HSDL1: variants seen among roughly 807,000 people sequenced by gnomAD.
HSDL1 encodes hydroxysteroid dehydrogenase like 1, also known as inactive hydroxysteroid dehydrogenase-like protein 1.
A neutral mutation model predicts 31.5 loss-of-function variants in HSDL1; 29 were observed. That is an observed-to-expected ratio of 0.92 (90% confidence interval 0.69 to 1.26). HSDL1 has a LOEUF of 1.26. Among genes scored for constraint, HSDL1 ranks in the 50% most tolerant of loss-of-function variants. HSDL1 has a pLI of 0.00. For missense variants in HSDL1, 503 were observed against 416.6 expected (o/e 1.21, Z -1.81); for synonymous variants, 222 against 155.2 (o/e 1.43, Z -3.20).
intron 1 of HSDL1, among the ~76,000 whole-genome samples, chr16:84,141,595 C>T (rs1051925842): frequency 6.6e-6 from 1 of 152,224 alleles, no homozygotes; most frequent in African/African-American, 2.4e-5. Flanking sequence ...TTTTGCAAAG[C>T]GGCAGAACCC....
At chr16:84,127,553 A>G (rs1329472485) in intron 5 of HSDL1, among the ~76,000 whole-genome samples, 2 of 151,512 alleles carry the variant, frequency 1.3e-5, no homozygotes, top group African/African-American at 4.9e-5. Context: ...ACTTTTCATA[A>G]AAGTCATAAT....
At chr16:84,143,274 A>T (rs562860712) in intron 1 of HSDL1, among the ~76,000 whole-genome samples, 1 of 152,362 alleles carries the variant, frequency 6.6e-6, no homozygotes, top group African/African-American at 2.4e-5. Flanking sequence ...AGCCATAAAA[A>T]AGCATGAAGT....
intron 1 of HSDL1, among the ~76,000 whole-genome samples, chr16:84,143,622 G>A (rs1410671878): frequency 6.6e-6 from 1 of 151,974 alleles, no homozygotes; most frequent in African/African-American, 2.4e-5. Context: ...AAGTCATTTC[G>A]ATTTTTGAAA....
intron 1 of HSDL1, among the ~76,000 whole-genome samples, chr16:84,144,780 G>T (rs1328780624): frequency 6.6e-6 from 1 of 150,646 alleles, no homozygotes; most frequent in East Asian, 2.0e-4. Context: ...GTGCAGCGCC[G>T]CGGCGGGGGG....
At chr16:84,133,335 G>A (rs2086685269) in intron 2 of HSDL1, among the ~76,000 whole-genome samples, 2 of 152,112 alleles carry the variant, frequency 1.3e-5, no homozygotes, top group Admixed American at 6.5e-5. Flanking sequence ...AATGCCCTAC[G>A]ATAAGGAAAC....
At chr16:84,144,509 G>A (rs1298690670) in intron 1 of HSDL1, 1 of 152,282 alleles carries the variant, frequency 6.6e-6, no homozygotes, top group Admixed American at 6.5e-5. Flanking sequence ...ACCCGGCAAG[G>A]CCCAGTCAAC....
rs2086640919 is a variant in HSDL1 at position 84,129,552 on chromosome 16, A to G, written c.890T>C (p.Ile297Thr). Reference sequence around the variant, plus strand: ...AGACCTGAAGCACACTCCTACCTGAATAGAATGGGACCAATATCCTGTGGT... The same window carrying G: ...AGACCTGAAGCACACTCCTACCTGAGTAGAATGGGACCAATATCCTGTGGT... ...KRTTGYWSHS[I>T]QFLFAQYMPE... is the part of the protein sequence containing the mutation. Residue 297 changes from isoleucine (I) to threonine (T), a missense_variant, in exon 5 of 6, where the codon ATT becomes ACT. Coordinates refer to ENST00000219439, the MANE Select transcript of HSDL1 (RefSeq NM_031463.5). 1 of 1,609,708 alleles carries G rather than the reference A, an allele frequency of 6.2e-7. No homozygotes were observed. Among genetic ancestry groups the G allele is most frequent in the Admixed American group, 1.7e-5 (1 of 59,996 alleles).
intron 2 of HSDL1, among the ~76,000 whole-genome samples, chr16:84,131,597 C>A (rs1459325429): frequency 6.6e-6 from 1 of 152,106 alleles, no homozygotes; most frequent in Non-Finnish European, 1.5e-5. Context: ...TCACTGCAAC[C>A]TCCACCTCCC....
rs1323540817 is a variant in HSDL1, at chr16:84,143,980, T to C, written c.-69+1100A>G. On this transcript the variant is annotated intron_variant, in intron 1 of 5. Coordinates refer to ENST00000219439, the MANE Select transcript of HSDL1 (RefSeq NM_031463.5). ...CAGGAGCTGAGATCGCAGGCACCAT[T>C]GCACTACAGCCCGGGCGACAGAGCG... is the stretch of plus-strand genomic sequence containing the variant. Among the ~76,000 whole-genome samples, 3 of 151,950 alleles carry C rather than the reference T, an allele frequency of 2.0e-5. No individual in the cohort carries two copies. The East Asian group carries it at 5.8e-4, about 29-fold the overall frequency.
chr16:84,141,739 G>A (rs1454585868), intron 1 of HSDL1, among the ~76,000 whole-genome samples: 1 of 152,148 alleles, frequency 6.6e-6, no homozygotes, highest in Non-Finnish European at 1.5e-5. Context: ...ACATTTCCCT[G>A]GTTACTAGTA....
At chr16:84,126,380 T>C (rs1050569498) in intron 5 of HSDL1, among the ~76,000 whole-genome samples, 1 of 152,066 alleles carries the variant, frequency 6.6e-6, no homozygotes. Context: ...CATAGGGCAA[T>C]GTCTGAAAAC....
At position 84,124,658 on chromosome 16, in the gene HSDL1, C is replaced by T. The variant is rs140938654; in HGVS notation, c.965G>A (p.Arg322His). The change falls in exon 6 of 6, where the codon CGT (arginine) becomes CAT (histidine). Residue 322 changes from arginine to histidine, a missense_variant. Physicochemically the swap from Arg to His is conservative, Grantham distance 29. Coordinates refer to ENST00000219439, the MANE Select transcript of HSDL1 (RefSeq NM_031463.5). ...GGCTGTGCAGGATAAGGCTTCCTTA[C>T]GTAGTGAACGGTTGAGAATATTTGC... is the stretch of plus-strand genomic sequence containing the variant. ...WGANILNRSL[R>H]KEALSCTA 166 of 1,613,598 alleles carry T rather than the reference C, an allele frequency of 1.0e-4. 1 individual carries two copies. In the East Asian group the frequency reaches 2.9e-3, roughly 29 times the overall value.
intron 1 of HSDL1, among the ~76,000 whole-genome samples, chr16:84,136,182 C>G (rs926508282): frequency 1.3e-5 from 2 of 152,228 alleles, no homozygotes; most frequent in African/African-American, 4.8e-5. Context: ...AGGTGCCCAC[C>G]ACCTGTCTAA....
chr16:84,143,825 C>A (rs1389534816), intron 1 of HSDL1, among the ~76,000 whole-genome samples: 1 of 149,654 alleles, frequency 6.7e-6, no homozygotes, highest in African/African-American at 2.5e-5. Flanking sequence ...AGCGAAACCC[C>A]GTCTCTACTA....
intron 1 of HSDL1, 135 bp from the exon 2 acceptor site, chr16:84,135,740 T>C (rs543389315): frequency 6.6e-6 from 1 of 152,396 alleles, no homozygotes; most frequent in South Asian, 2.1e-4. Flanking sequence ...TGAATCTCTG[T>C]AGAGGCAGCA....
chr16:84,133,313 G>A (rs1597376199), intron 2 of HSDL1, among the ~76,000 whole-genome samples: 1 of 152,174 alleles, frequency 6.6e-6, no homozygotes, highest in Non-Finnish European at 1.5e-5. Flanking sequence ...TGGAGAAGCA[G>A]TAGGATTCCT....
chr16:84,129,311 C>T (rs577258231), intron 5 of HSDL1, among the ~76,000 whole-genome samples: 47 of 151,884 alleles, frequency 3.1e-4, no homozygotes, highest in African/African-American at 1.1e-3. Flanking sequence ...ACCCGGGAGG[C>T]GGAGCTTGCA....
At chr16:84,128,471 A>AT in intron 5 of HSDL1, among the ~76,000 whole-genome samples, 1 of 152,308 alleles carries the variant, frequency 6.6e-6, no homozygotes, top group South Asian at 2.1e-4. Flanking sequence ...TGCCTAAACA[A>AT]TAAGCTTAAA....
At chr16:84,130,747 A>C (rs946972850) in intron 3 of HSDL1, among the ~76,000 whole-genome samples, 1 of 152,234 alleles carries the variant, frequency 6.6e-6, no homozygotes, top group Non-Finnish European at 1.5e-5. Flanking sequence ...TTTTCTGGGA[A>C]ATCTTCATAA....
Sources: allele counts gnomAD v4.1 joint callset (sites outside exome capture counted in the v4.1 genomes callset), GRCh38; gene constraint gnomAD v4.1.1; transcripts MANE v1.5; gene names NCBI Gene and HGNC (gene_info 2026-07-23, HGNC 2026-07-21).